The following SH2D4A variants were observed in gnomAD, a reference collection of about 807,000 sequenced individuals.
SH2D4A encodes the protein SH2 domain containing 4A.
A neutral mutation model predicts 64.7 loss-of-function variants in SH2D4A; 70 were observed. The observed-to-expected ratio is 1.08, with a 90% confidence interval of 0.89 to 1.32. The LOEUF (loss-of-function observed/expected upper bound fraction) is 1.32, where lower values mean the gene tolerates loss of function less well. SH2D4A is among the 40% of genes most tolerant of loss of function. The probability of loss-of-function intolerance (pLI) is 0.00; values close to 1 mark genes in which losing one functional copy is unlikely to be tolerated. For synonymous variants in SH2D4A, 268 were observed against 200.7 expected (o/e 1.34, Z -2.83); for missense variants, 706 against 540.1 (o/e 1.31, Z -3.04).
At chr8:19,359,729 T>TC (rs1230133209) in intron 5 of SH2D4A, among the ~76,000 whole-genome samples, 3,971 of 152,126 alleles carry the variant, frequency 0.026, 152 homozygotes, top group African/African-American at 0.09. Context: ...TGCACAGAAG[T>TC]TTAGTTACAT....
At chr8:19,334,147 C>A (rs2052404044) in intron 3 of SH2D4A, among the ~76,000 whole-genome samples, 1 of 152,026 alleles carries the variant, frequency 6.6e-6, no homozygotes, top group Non-Finnish European at 1.5e-5. Context: ...ACAGCCTTAC[C>A]CTGAGGTGGT....
At chr8:19,335,615 A>G (rs376590280) in intron 4 of SH2D4A, among the ~76,000 whole-genome samples, 2 of 152,202 alleles carry the variant, frequency 1.3e-5, no homozygotes, top group African/African-American at 4.8e-5. Flanking sequence ...ATTTTCAAGC[A>G]CAGGCTGAGG....
At chr8:19,346,477 C>G (rs527902006) in intron 4 of SH2D4A, among the ~76,000 whole-genome samples, 1 of 152,308 alleles carries the variant, frequency 6.6e-6, no homozygotes, top group East Asian at 1.9e-4. Flanking sequence ...ATGGGACACT[C>G]TAGTTGAAGG....
intron 7 of SH2D4A, among the ~76,000 whole-genome samples, chr8:19,366,885 A>G (rs917479250): frequency 4.6e-5 from 7 of 152,138 alleles, no homozygotes; most frequent in East Asian, 1.9e-4. Context: ...TCACTTAACA[A>G]TGTCCTCTAG....
In SH2D4A at chr8:19,337,505, A is replaced by G. The variant is rs182013071; in HGVS notation, c.513+2648A>G. On this transcript the variant is annotated intron_variant, in intron 4 of 9. Transcript: ENST00000265807. ...GGATTTAGGGTGGATCCTAAATCCC[A>G]AGACAAGTGTCCTTATAAGAGGAGA... Among the ~76,000 whole-genome samples the G allele has an allele frequency of 2.4e-3, 372 of 152,270 alleles. 1 individual carries two copies. Among genetic ancestry groups the G allele is most frequent in the Middle Eastern group, 0.014 (4 of 294 alleles).
chr8:19,336,232 C>A (rs530704706), intron 4 of SH2D4A, among the ~76,000 whole-genome samples: 1 of 152,288 alleles, frequency 6.6e-6, no homozygotes, highest in African/African-American at 2.4e-5. Context: ...GACCCCCAGG[C>A]TATTCCTTAA....
intron 5 of SH2D4A, among the ~76,000 whole-genome samples, chr8:19,360,281 A>C (rs923919307): frequency 1.1e-4 from 16 of 151,940 alleles, no homozygotes; most frequent in Middle Eastern, 3.4e-3. Flanking sequence ...GATGCTTTTG[A>C]AAAATATTTT....
chr8:19,395,230 G>C lies in SH2D4A; in HGVS notation c.*588G>C, dbSNP rs923561757. ...GCATGAAAATACAGATGGACCTGCA[G>C]GAAAGTGAGCAAACATCGCTGAGTT... On this transcript the variant is annotated 3_prime_UTR_variant, in exon 10 of 10. Coordinates refer to ENST00000265807, the MANE Select transcript of SH2D4A (RefSeq NM_022071.4). 1 of 152,270 alleles carries C rather than the reference G, an allele frequency of 6.6e-6. No homozygotes were observed. Among genetic ancestry groups the C allele is most frequent in the Non-Finnish European group, 1.5e-5 (1 of 68,070 alleles). The allele number at this position is 152,270 out of a possible 1,614,324, so 9.4% of individuals were successfully genotyped here.
intron 8 of SH2D4A, among the ~76,000 whole-genome samples, chr8:19,382,114 T>C (rs575739853): frequency 1.1e-4 from 17 of 152,320 alleles, no homozygotes; most frequent in African/African-American, 4.1e-4. Context: ...TTTATTTGGC[T>C]TTGAGTTACT....
Position 19,393,477 on chromosome 8 carries a change from A to C in SH2D4A, c.1208A>C (p.Tyr403Ser), listed in dbSNP as rs1372830389. The change falls in exon 9 of 10, where the codon TAC becomes TCC. Residue 403 changes from tyrosine to serine, a missense_variant. Physicochemically the swap from Tyr to Ser is moderately radical, Grantham distance 144. Coordinates refer to ENST00000265807, the MANE Select transcript of SH2D4A (RefSeq NM_022071.4). ...HFLIDASADAYSFLGVDQLQH... is the reference protein window; with the variant it reads ...HFLIDASADASSFLGVDQLQH... Reference sequence around the variant, plus strand: ...CTCATCGATGCCTCTGCAGACGCCTACAGCTTCCTGGGCGTGGACCAGCTA... The same window carrying C: ...CTCATCGATGCCTCTGCAGACGCCTCCAGCTTCCTGGGCGTGGACCAGCTA... 6.2e-7 allele frequency: 1 copy of C among 1,614,242 alleles called. No individual in the cohort carries two copies. The highest frequency in any genetic ancestry group is 8.5e-7 in the Non-Finnish European group (1 of 1,180,044).
chr8:19,316,289 C>T (rs971956652), intron 1 of SH2D4A, among the ~76,000 whole-genome samples: 1 of 152,116 alleles, frequency 6.6e-6, no homozygotes, highest in East Asian at 1.9e-4. Flanking sequence ...TAGAAATCCA[C>T]GTTTGCTATA....
At chr8:19,332,459 T>C (rs1004995757) in intron 2 of SH2D4A, among the ~76,000 whole-genome samples, 1 of 151,790 alleles carries the variant, frequency 6.6e-6, no homozygotes, top group African/African-American at 2.4e-5. Flanking sequence ...GATGGTGAAA[T>C]CCTGTCTCTA....
chr8:19,340,246 G>C (rs1246275027), intron 4 of SH2D4A, among the ~76,000 whole-genome samples: 1 of 152,112 alleles, frequency 6.6e-6, no homozygotes, highest in Non-Finnish European at 1.5e-5. Flanking sequence ...GGTGGGGCAG[G>C]GCCAGGCAAG....
chr8:19,373,444 G>GTA (rs10692584), intron 7 of SH2D4A, 86 bp from the exon 8 acceptor site: 201,576 of 587,786 alleles, frequency 0.34, 17,220 homozygotes, highest in Middle Eastern at 0.39. Context: ...ATGTGTGTGT[G>GTA]TATATATATA....
chr8:19,385,215 T>G (rs2053365283), intron 8 of SH2D4A, among the ~76,000 whole-genome samples: 1 of 81,002 alleles, frequency 1.2e-5, no homozygotes, highest in South Asian at 3.9e-4. Context: ...GTTTTTTTGT[T>G]TTTTTTTTTT....
At chr8:19,344,434 T>A (rs2052580242) in intron 4 of SH2D4A, among the ~76,000 whole-genome samples, 1 of 152,210 alleles carries the variant, frequency 6.6e-6, no homozygotes, top group Non-Finnish European at 1.5e-5. Flanking sequence ...CAATGGCAGA[T>A]TGAGTCCTTC....
intron 8 of SH2D4A, among the ~76,000 whole-genome samples, chr8:19,388,406 G>A (rs1296878354): frequency 6.6e-6 from 1 of 152,224 alleles, no homozygotes; most frequent in Non-Finnish European, 1.5e-5. Flanking sequence ...CTGTCTGAGA[G>A]AATGGGTGAG....
intron 5 of SH2D4A, among the ~76,000 whole-genome samples, chr8:19,358,448 A>G (rs2052828219): frequency 1.3e-5 from 2 of 152,158 alleles, no homozygotes; most frequent in South Asian, 4.1e-4. Flanking sequence ...GGAGGATGGA[A>G]TTGGGATGGG....
At chr8:19,317,308 T>A (rs2117164596) in intron 1 of SH2D4A, among the ~76,000 whole-genome samples, 1 of 150,796 alleles carries the variant, frequency 6.6e-6, no homozygotes, top group Non-Finnish European at 1.5e-5. Context: ...CATCCATTTT[T>A]TTTTTTTTTT....
Sources: allele counts gnomAD v4.1 joint callset (sites outside exome capture counted in the v4.1 genomes callset), GRCh38; gene constraint gnomAD v4.1.1; transcripts MANE v1.5; gene names NCBI Gene and HGNC (gene_info 2026-07-23, HGNC 2026-07-21).